Variants in PCNX2 observed in about 807,000 individuals in gnomAD.
PCNX2 encodes the protein pecanex-like protein 2.
A neutral mutation model predicts 223.8 loss-of-function variants in PCNX2; 168 were observed. The ratio of observed to expected loss-of-function variants is 0.75; its 90% CI spans 0.66 to 0.85. The LOEUF is 0.85. PCNX2 is among the 40% of genes least tolerant of loss of function. The pLI is 0.00. For synonymous variants in PCNX2, 1,006 were observed against 1,052.6 expected (o/e 0.96, Z 0.86); for missense variants, 2,507 against 2,675.5 (o/e 0.94, Z 1.39).
chr1:233,195,219 A>G (rs1243331785), intron 15 of PCNX2, among the ~76,000 whole-genome samples: 1 of 152,170 alleles, frequency 6.6e-6, no homozygotes, highest in African/African-American at 2.4e-5. Flanking sequence ...AAAAAAATCA[A>G]TATGGTCTTC....
chr1:233,008,593 G>A (rs1019845749), intron 28 of PCNX2, among the ~76,000 whole-genome samples: 1 of 152,168 alleles, frequency 6.6e-6, no homozygotes, highest in Non-Finnish European at 1.5e-5. Context: ...CTGTTGGTGA[G>A]GGGGTGGGAC....
At chr1:233,053,230 G>T (rs541683134) in intron 25 of PCNX2, among the ~76,000 whole-genome samples, 1 of 151,884 alleles carries the variant, frequency 6.6e-6, no homozygotes, top group East Asian at 1.9e-4. Context: ...TGCCGCAAGC[G>T]CTGGTCAGCC....
At chr1:233,163,655 T>A (rs1303943954) in intron 17 of PCNX2, among the ~76,000 whole-genome samples, 1 of 151,694 alleles carries the variant, frequency 6.6e-6, no homozygotes, top group Non-Finnish European at 1.5e-5. Context: ...AGCACATCCA[T>A]TACACCCCAA....
the PCNX2 span, among the ~76,000 whole-genome samples, chr1:233,317,681 G>T: frequency 6.6e-6 from 1 of 151,794 alleles, no homozygotes; most frequent in African/African-American, 2.4e-5. Flanking sequence ...GGGGGAGAAG[G>T]GATAAATATG....
At chr1:233,200,950 CG>C (rs1681056151) in intron 13 of PCNX2, among the ~76,000 whole-genome samples, 1 of 144,282 alleles carries the variant, frequency 6.9e-6, no homozygotes, top group East Asian at 2.1e-4. Flanking sequence ...GGCGTGAACC[CG>C]GGAGGCGGAG....
intron 13 of PCNX2, among the ~76,000 whole-genome samples, chr1:233,206,321 A>T (rs757425591): frequency 6.6e-6 from 1 of 151,864 alleles, no homozygotes; most frequent in Non-Finnish European, 1.5e-5. Flanking sequence ...CCAGGTCCTC[A>T]TGTGCCCTTG....
chr1:233,322,780 C>T, the PCNX2 span, among the ~76,000 whole-genome samples: 1 of 151,862 alleles, frequency 6.6e-6, no homozygotes, highest in Non-Finnish European at 1.5e-5. Flanking sequence ...CCCAGCACTT[C>T]CCCACCCTTG....
intron 9 of PCNX2, among the ~76,000 whole-genome samples, chr1:233,227,648 G>C (rs12408919): frequency 6.6e-6 from 1 of 151,916 alleles, no homozygotes; most frequent in Non-Finnish European, 1.5e-5. Context: ...TACTCATCAC[G>C]TCAAAATGCT....
intron 15 of PCNX2, among the ~76,000 whole-genome samples, chr1:233,194,642 T>C (rs939297049): frequency 1.3e-5 from 2 of 152,222 alleles, no homozygotes; most frequent in Non-Finnish European, 2.9e-5. Context: ...GTGAGCTCTT[T>C]TATAATATAA....
At chr1:233,269,257 T>C (rs951862239) in intron 1 of PCNX2, among the ~76,000 whole-genome samples, 2 of 152,218 alleles carry the variant, frequency 1.3e-5, no homozygotes, top group African/African-American at 4.8e-5. Context: ...CTAGATGTTC[T>C]GTGCTCTTGG....
At chr1:233,147,647 G>A (rs970670803) in intron 19 of PCNX2, among the ~76,000 whole-genome samples, 4 of 152,224 alleles carry the variant, frequency 2.6e-5, no homozygotes, top group Non-Finnish European at 2.9e-5. Flanking sequence ...AAGGTCAACC[G>A]TATATCATAG....
At chr1:233,047,623 A>G (rs1314015212) in intron 25 of PCNX2, among the ~76,000 whole-genome samples, 1 of 152,200 alleles carries the variant, frequency 6.6e-6, no homozygotes, top group Non-Finnish European at 1.5e-5. Context: ...GGTATTACAT[A>G]ATGATAAAGT....
the PCNX2 span, among the ~76,000 whole-genome samples, chr1:233,304,934 T>A: frequency 1.3e-5 from 2 of 152,324 alleles, no homozygotes; most frequent in East Asian, 3.9e-4. Flanking sequence ...TTTTCCTTAA[T>A]CTTCTACACA....
chr1:233,223,815 C>T (rs982253547), intron 10 of PCNX2, among the ~76,000 whole-genome samples: 2 of 152,154 alleles, frequency 1.3e-5, no homozygotes, highest in African/African-American at 2.4e-5. Context: ...TAACTGATGA[C>T]AATTAGTTTA....
At chr1:233,217,513 A>G (rs1657040386) in intron 12 of PCNX2, among the ~76,000 whole-genome samples, 1 of 152,212 alleles carries the variant, frequency 6.6e-6, no homozygotes, top group Non-Finnish European at 1.5e-5. Flanking sequence ...AAACTGAGGC[A>G]TGAAAAGGCC....
intron 12 of PCNX2, among the ~76,000 whole-genome samples, chr1:233,215,134 T>C (rs920079401): frequency 6.6e-6 from 1 of 152,214 alleles, no homozygotes; most frequent in South Asian, 2.1e-4. Flanking sequence ...ATCGTCTCTG[T>C]GTCCCAAACC....
At chr1:233,130,487 G>GTC (rs1421134461) in intron 21 of PCNX2, among the ~76,000 whole-genome samples, 2 of 147,324 alleles carry the variant, frequency 1.4e-5, no homozygotes, top group Non-Finnish European at 3.0e-5. Flanking sequence ...GTGTGTGTGT[G>GTC]TGTGTGTGTG....
chr1:233,170,488 G>A (rs1192011196), intron 17 of PCNX2, among the ~76,000 whole-genome samples: 1 of 152,040 alleles, frequency 6.6e-6, no homozygotes, highest in Non-Finnish European at 1.5e-5. Flanking sequence ...TTTCAATGGA[G>A]ATATCTGGTT....
At chr1:233,037,466 G>A (rs1280231991) in intron 25 of PCNX2, among the ~76,000 whole-genome samples, 1 of 151,490 alleles carries the variant, frequency 6.6e-6, no homozygotes, top group Non-Finnish European at 1.5e-5. Context: ...GAGTAGCTGG[G>A]ACCTCAGGCA....
Sources: gnomAD v4.1 joint callset for allele counts (sites outside exome capture counted in the v4.1 genomes callset) on GRCh38, gnomAD v4.1.1 for gene constraint, MANE v1.5 for transcripts, NCBI Gene and HGNC (gene_info 2026-07-23, HGNC 2026-07-21) for gene names.